Variants in DDA1 observed in about 807,000 individuals in gnomAD.
DDA1 encodes DET1- and DDB1-associated protein 1.
In DDA1, 3 loss-of-function variants were observed where a neutral mutation model predicts 18.6. The observed-to-expected ratio is 0.16, with a 90% CI of 0.07 to 0.42. The LOEUF is 0.42. Among genes scored for constraint, DDA1 ranks in the 10% least tolerant of loss-of-function variants. The pLI is 0.99. For missense variants in DDA1, 105 were observed against 138.2 expected, an observed-to-expected ratio of 0.76 and a Z score of 1.20; for synonymous variants, 52 against 54.0, an observed-to-expected ratio of 0.96 and a Z score of 0.17.
chr19:17,310,251 A>C (rs1039967803), intron 1 of DDA1: 3 of 152,574 alleles, frequency 2.0e-5, no homozygotes, highest in Non-Finnish European at 2.9e-5. Flanking sequence ...TGAACCTCTT[A>C]GGGTGGTGAC....
chr19:17,319,415 T>C (rs1259698603), intron 4 of DDA1, 131 bp from the exon 5 acceptor site: 7 of 688,304 alleles, frequency 1.0e-5, no homozygotes, highest in Middle Eastern at 3.8e-4. Flanking sequence ...AGTAAAAATA[T>C]TAAGCGTGGT....
intron 1 of DDA1, 129 bp downstream of exon 1, chr19:17,309,786 C>T (rs957548858): frequency 2.4e-5 from 30 of 1,231,860 alleles, no homozygotes; most frequent in Admixed American, 5.1e-5. Flanking sequence ...GCCCGCCCCT[C>T]CCACTCACCT....
Position 17,314,562 on chromosome 19 carries a change from C to T in DDA1, c.136+173C>T. 1 of 823,988 alleles carries T rather than the reference C, an allele frequency of 1.2e-6. No homozygotes were observed. The allele number at this position is 823,988 out of a possible 1,614,324, so 51.0% of individuals were successfully genotyped here. ...GTCAGGGAGGGCCTCCAGGGAGGTA[C>T]AGGAGGGGGACCTTGGGGGCTTCAG... On this transcript the variant is annotated intron_variant, in intron 3 of 4. Coordinates refer to ENST00000359866, the MANE Select transcript of DDA1 (RefSeq NM_024050.6). This position sits in a 1 kb window ranked among gnomAD's most constrained non-coding sequence, Gnocchi z 4.6.
chr19:17,317,685 AAAAC>A (rs1236723655), intron 4 of DDA1, among the ~76,000 whole-genome samples: 5 of 151,236 alleles, frequency 3.3e-5, no homozygotes, highest in African/African-American at 7.3e-5. Context: ...AAAAAAAAAA[AAAAC>A]AAATTAGCTG....
chr19:17,316,909 T>C (rs539312324), intron 4 of DDA1, among the ~76,000 whole-genome samples: 1 of 151,510 alleles, frequency 6.6e-6, no homozygotes, highest in South Asian at 2.1e-4. Flanking sequence ...AAATCTTTTC[T>C]GAATGGTGAA....
intron 1 of DDA1, among the ~76,000 whole-genome samples, chr19:17,312,572 G>A (rs979800782): frequency 3.3e-5 from 5 of 152,144 alleles, no homozygotes. Flanking sequence ...AGGTCTCAGT[G>A]CCTGCATCCC....
chr19:17,315,185 ATACACACACGTGTATACACACGTG>A (rs1297013529), intron 3 of DDA1, among the ~76,000 whole-genome samples: 563 of 40,096 alleles, frequency 0.014, 81 homozygotes, highest in Non-Finnish European at 0.017. Context: ...ACACACGTGT[ATACACACACGTGTATACACACGTG>A]TATATACACA....
In DDA1 at chr19:17,315,098, TACACACATATATATAC is replaced by T. The variant is rs1568353461; in HGVS notation, c.136+716_136+731del. The stretch of plus-strand genomic sequence containing the variant: ...CAAAAACCATATATATACGTATATA[TACACACATATATATAC>T]ACACACGTATATATACACACATATA... On this transcript the variant is annotated intron_variant, in intron 3 of 4. Coordinates refer to ENST00000359866, the MANE Select transcript of DDA1 (RefSeq NM_024050.6). Among the ~76,000 whole-genome samples the T allele has an allele frequency of 4.6e-5, 6 of 131,442 alleles. No individual in the cohort carries two copies. The East Asian group carries it at 1.6e-3, about 34-fold the overall frequency. The allele number at this position is 131,442 out of a possible 152,430, so 86.2% of individuals were successfully genotyped here.
In DDA1 at chr19:17,314,236, G is replaced by C; in HGVS notation, c.85-102G>C. The C allele has an allele frequency of 2.6e-6, 4 of 1,563,946 alleles. 1 individual carries two copies. The South Asian group carries it at 3.4e-5, about 13-fold the overall frequency. On this transcript the variant is annotated intron_variant, in intron 2 of 4. Transcript: ENST00000359866. This position sits in a 1 kb window ranked among gnomAD's most constrained non-coding sequence, Gnocchi z 4.6. ...AGCCCAGCCCCATCCACATACTTGA[G>C]TGTCTTCCAATCTGCACTGAAGGGT...
intron 3 of DDA1, among the ~76,000 whole-genome samples, chr19:17,315,117 A>G (rs1227070646): frequency 8.8e-6 from 1 of 113,144 alleles, no homozygotes. Context: ...ATATATACAC[A>G]CACGTATATA....
Position 17,314,248 on chromosome 19 carries a change from C to T in DDA1, c.85-90C>T, listed in dbSNP as rs2074192093. On this transcript the variant is annotated intron_variant, in intron 2 of 4. Coordinates refer to ENST00000359866, the MANE Select transcript of DDA1 (RefSeq NM_024050.6). This position sits in a 1 kb window ranked among gnomAD's most constrained non-coding sequence, Gnocchi z 4.6. ...TCCACATACTTGAGTGTCTTCCAAT[C>T]TGCACTGAAGGGTGGGTGCTGAGTG... The T allele has an allele frequency of 6.4e-7, 1 of 1,574,282 alleles. No homozygotes were observed. Among genetic ancestry groups the T allele is most frequent in the Admixed American group, 1.7e-5 (1 of 59,708 alleles).
rs889355107 is a variant in DDA1, at chr19:17,314,775, G to T, written c.136+386G>T. On this transcript the variant is annotated intron_variant, in intron 3 of 4. Transcript: ENST00000359866. This position sits in a 1 kb window ranked among gnomAD's most constrained non-coding sequence, Gnocchi z 4.6. ...CTCCCTGTCAGATGAGGTCAAGCGA[G>T]AACTCTGGTTCTAAGACAAGTGCTA... 3.8e-6 allele frequency: 1 copy of T among 263,060 alleles called. No homozygotes were observed. The highest frequency in any genetic ancestry group is 2.2e-5 in the African/African-American group (1 of 44,760). 16.3% of individuals were successfully genotyped at this position (263,060 alleles called of 1,614,324 possible). A position where few individuals can be genotyped will look rare whatever the true frequency, so the allele number is the denominator to read the frequency against.
intron 4 of DDA1, among the ~76,000 whole-genome samples, chr19:17,317,686 A>C (rs1004942314): frequency 3.3e-5 from 5 of 151,136 alleles, no homozygotes; most frequent in African/African-American, 7.3e-5. Flanking sequence ...AAAAAAAAAA[A>C]AACAAATTAG....
At chr19:17,316,364 G>A (rs1361970548) in intron 4 of DDA1, among the ~76,000 whole-genome samples, 3 of 152,100 alleles carry the variant, frequency 2.0e-5, no homozygotes, top group South Asian at 2.1e-4. Flanking sequence ...GGCGGATCAC[G>A]AGGTCAGGAG....
chr19:17,313,820 G>A (rs1162280832), intron 1 of DDA1, among the ~76,000 whole-genome samples: 2 of 152,136 alleles, frequency 1.3e-5, no homozygotes, highest in African/African-American at 4.8e-5. Flanking sequence ...TGAGGATCCC[G>A]TGGGGGATGT....
Position 17,319,655 on chromosome 19 carries a change from AAG to A in DDA1, c.*1_*2del, listed in dbSNP as rs1161606483. On this transcript the variant is annotated stop_retained_variant and 3_prime_UTR_variant, in exon 5 of 5. Transcript: ENST00000359866. ...AGCCCAGACATGCACGAGGACACTT[AAG>A]ACTCTCAACTCCACAGGCGCCTCCT... The A allele has an allele frequency of 6.4e-7, 1 of 1,563,900 alleles. No homozygotes were observed. The highest frequency in any genetic ancestry group is 8.7e-7 in the Non-Finnish European group (1 of 1,154,006).
In DDA1 at chr19:17,322,650, T is replaced by C. The variant is rs1242354988; in HGVS notation, c.*2994T>C. Reference sequence around the variant, plus strand: ...AGGCCACGTTCCTGTTCCTGAGTCATACGACAGAGTCCCAGTGACTTGGGT... The same window carrying C: ...AGGCCACGTTCCTGTTCCTGAGTCACACGACAGAGTCCCAGTGACTTGGGT... On this transcript the variant is annotated 3_prime_UTR_variant, in exon 5 of 5. Coordinates refer to ENST00000359866, the MANE Select transcript of DDA1 (RefSeq NM_024050.6). 4 of 152,310 alleles carry C rather than the reference T, an allele frequency of 2.6e-5. No individual in the cohort carries two copies. Among genetic ancestry groups the C allele is most frequent in the African/African-American group, 7.2e-5 (3 of 41,452 alleles). 9.4% of individuals were successfully genotyped at this position (152,310 alleles called of 1,614,324 possible).
intron 3 of DDA1, among the ~76,000 whole-genome samples, chr19:17,315,239 GTGTA>G (rs1347241191): frequency 1.8e-5 from 1 of 56,088 alleles, no homozygotes; most frequent in Non-Finnish European, 3.6e-5. Flanking sequence ...ACACACACAC[GTGTA>G]TATACACACA....
rs187816280 is a variant in DDA1 at position 17,314,453 on chromosome 19, C to G, written c.136+64C>G. ...GAGGGGCGGGGTTTGGTGACTGCAG[C>G]GTGGCACGCGGAGGTTATCTTCAAC... On this transcript the variant is annotated intron_variant, in intron 3 of 4. Coordinates refer to ENST00000359866, the MANE Select transcript of DDA1 (RefSeq NM_024050.6). This position sits in a 1 kb window ranked among gnomAD's most constrained non-coding sequence, Gnocchi z 4.6. 1 of 1,601,606 alleles carries G rather than the reference C, an allele frequency of 6.2e-7. No homozygotes were observed. Among genetic ancestry groups the G allele is most frequent in the Non-Finnish European group, 8.6e-7 (1 of 1,168,930 alleles).
Sources: gnomAD v4.1 joint callset for allele counts (sites outside exome capture counted in the v4.1 genomes callset) on GRCh38, gnomAD v4.1.1 for gene constraint, Gnocchi (gnomAD v3.1) non-coding constraint, MANE v1.5 for transcripts, NCBI Gene and HGNC (gene_info 2026-07-23, HGNC 2026-07-21) for gene names.